DERA: variants seen among roughly 807,000 people sequenced by gnomAD.
DERA encodes the protein 2-deoxy-D-ribose 5-phosphate aldolase.
A neutral mutation model predicts 41.1 loss-of-function variants in DERA; 15 were observed. That is an observed-to-expected ratio of 0.37 (90% CI 0.24 to 0.56). DERA has a LOEUF of 0.56. Among genes scored for constraint, DERA ranks in the 20% least tolerant of loss-of-function variants. DERA has a pLI of 0.81. For synonymous variants in DERA, 139 were observed against 137.4 expected (o/e 1.01, Z -0.08); for missense variants, 396 against 403.4 (o/e 0.98, Z 0.16).
In DERA at chr12:15,936,999, A is replaced by T. The variant is rs1948373175; in HGVS notation, c.32-19937A>T. Reference sequence around the variant, plus strand: ...TCTTGTCTTTCTTTTTTGAGATAGTATCTTGCTCTATTGCCCAAGCCAGAG... The same window carrying T: ...TCTTGTCTTTCTTTTTTGAGATAGTTTCTTGCTCTATTGCCCAAGCCAGAG... On this transcript the variant is annotated intron_variant, in intron 1 of 8. Coordinates refer to ENST00000428559, the MANE Select transcript of DERA (RefSeq NM_015954.4). This position sits in a 1 kb window ranked among gnomAD's most constrained non-coding sequence, Gnocchi z 4.6. 6.7e-6 allele frequency among the ~76,000 whole-genome samples: 1 copy of T among 149,970 alleles called. No homozygotes were observed. Among genetic ancestry groups the T allele is most frequent in the African/African-American group, 2.5e-5 (1 of 39,786 alleles).
rs1212405232 is a variant in DERA at position 16,004,784 on chromosome 12, A to G, written c.637+22348A>G. On this transcript the variant is annotated intron_variant, in intron 6 of 8. Transcript: ENST00000428559. The surrounding 1 kb of genome is among the most constrained non-coding windows in gnomAD (Gnocchi z 4.2). Reference sequence around the variant, plus strand: ...TTTAAAAATTTAAAAAAATCCTACTAAAAACTAGGAGATACCTTGGGAGTT... The same window carrying G: ...TTTAAAAATTTAAAAAAATCCTACTGAAAACTAGGAGATACCTTGGGAGTT... Among the ~76,000 whole-genome samples, 1 of 152,184 alleles carries G rather than the reference A, an allele frequency of 6.6e-6. No homozygotes were observed. The highest frequency in any genetic ancestry group is 2.4e-5 in the African/African-American group (1 of 41,460).
In DERA at chr12:15,976,236, C is replaced by CT. The variant is rs537343034; in HGVS notation, c.509-6066dup. Among the ~76,000 whole-genome samples the CT allele has an allele frequency of 3.0e-3, 457 of 152,196 alleles. 2 individuals carry two copies. Among genetic ancestry groups the CT allele is most frequent in the Non-Finnish European group, 5.0e-3 (337 of 67,992 alleles). ...TATCCATTATCTTCAGTATATTCAT[C>CT]TTTTTTATCAATATTTGCCTTTTTA... On this transcript the variant is annotated intron_variant, in intron 5 of 8. Transcript: ENST00000428559. The surrounding 1 kb of genome is among the most constrained non-coding windows in gnomAD (Gnocchi z 4.1).
At chr12:16,002,109 T>C (rs12818011) in intron 6 of DERA, among the ~76,000 whole-genome samples, 2 of 151,712 alleles carry the variant, frequency 1.3e-5, no homozygotes, top group Non-Finnish European at 2.9e-5. Flanking sequence ...ACATTAGGTA[T>C]ATCTTCTAAT....
In DERA at chr12:15,941,991, T is replaced by G. The variant is rs1411719679; in HGVS notation, c.32-14945T>G. ...TACATTCCCATCACCAATGTAAAAG[T>G]GTTCCCTTTTCACCACATTTATATC... On this transcript the variant is annotated intron_variant, in intron 1 of 8. Transcript: ENST00000428559. The surrounding 1 kb of genome is among the most constrained non-coding windows in gnomAD (Gnocchi z 4.5). Among the ~76,000 whole-genome samples the G allele has an allele frequency of 6.6e-6, 1 of 152,224 alleles. No homozygotes were observed. The highest frequency in any genetic ancestry group is 1.5e-5 in the Non-Finnish European group (1 of 68,026).
chr12:15,957,095 G>A lies in DERA; in HGVS notation c.129+62G>A, dbSNP rs1039454175. The stretch of plus-strand genomic sequence containing the variant: ...TACAATGCATGGTCTCTTCCCTCAA[G>A]GCCACAATATTGAATTTCACTCAAG... On this transcript the variant is annotated intron_variant, in intron 2 of 8. Transcript: ENST00000428559. This position sits in a 1 kb window ranked among gnomAD's most constrained non-coding sequence, Gnocchi z 4.8. 37 of 1,268,480 alleles carry A rather than the reference G, an allele frequency of 2.9e-5. No individual in the cohort carries two copies. Among genetic ancestry groups the A allele is most frequent in the Non-Finnish European group, 4.0e-5 (35 of 873,548 alleles). The allele number at this position is 1,268,480 out of a possible 1,614,324, so 78.6% of individuals were successfully genotyped here. A position where few individuals can be genotyped will look rare whatever the true frequency, so the allele number is the denominator to read the frequency against.
intron 5 of DERA, among the ~76,000 whole-genome samples, chr12:15,973,689 G>A (rs923247210): frequency 6.6e-6 from 1 of 151,990 alleles, no homozygotes; most frequent in African/African-American, 2.4e-5. Flanking sequence ...ATGTCCATGT[G>A]ATGGAATATT....
At chr12:15,927,935 G>A (rs959438006) in intron 1 of DERA, among the ~76,000 whole-genome samples, 4 of 152,028 alleles carry the variant, frequency 2.6e-5, no homozygotes, top group Non-Finnish European at 5.9e-5. Flanking sequence ...AGTAGCAGAC[G>A]AATTAGAAGT....
rs762139506 is a variant in DERA at position 16,004,107 on chromosome 12, A to G, written c.637+21671A>G. On this transcript the variant is annotated intron_variant, in intron 6 of 8. Coordinates refer to ENST00000428559, the MANE Select transcript of DERA (RefSeq NM_015954.4). This position sits in a 1 kb window ranked among gnomAD's most constrained non-coding sequence, Gnocchi z 4.2. ...GATTTCCAGCCGGCTGTGAATTTAC[A>G]AACTTTTGGAATGCAATCTATTTCT... is the stretch of plus-strand genomic sequence containing the variant. 2.6e-5 allele frequency among the ~76,000 whole-genome samples: 4 copies of G among 152,208 alleles called. No homozygotes were observed. The highest frequency in any genetic ancestry group is 4.4e-5 in the Non-Finnish European group (3 of 68,028).
At chr12:16,015,438 A>G (rs1413141844) in intron 6 of DERA, among the ~76,000 whole-genome samples, 1 of 152,206 alleles carries the variant, frequency 6.6e-6, no homozygotes, top group Non-Finnish European at 1.5e-5. Context: ...CACTTGGCAC[A>G]TCTCCTTCTT....
chr12:15,944,711 T>C (rs1301696751), intron 1 of DERA, among the ~76,000 whole-genome samples: 1 of 152,234 alleles, frequency 6.6e-6, no homozygotes. Flanking sequence ...TTTCTTTTGC[T>C]GTGCAGAAGC....
chr12:15,951,616 A>C (rs1211599031), intron 1 of DERA, among the ~76,000 whole-genome samples: 1 of 152,234 alleles, frequency 6.6e-6, no homozygotes, highest in Non-Finnish European at 1.5e-5. Context: ...TTTCCTGCTC[A>C]ATAAGATAAT....
rs1304047801 is a variant in DERA, at chr12:15,935,125, G to A, written c.32-21811G>A. Among the ~76,000 whole-genome samples, 1 of 152,084 alleles carries A rather than the reference G, an allele frequency of 6.6e-6. No individual in the cohort carries two copies. Among genetic ancestry groups the A allele is most frequent in the Non-Finnish European group, 1.5e-5 (1 of 68,000 alleles). On this transcript the variant is annotated intron_variant, in intron 1 of 8. Coordinates refer to ENST00000428559, the MANE Select transcript of DERA (RefSeq NM_015954.4). The surrounding 1 kb of genome is among the most constrained non-coding windows in gnomAD (Gnocchi z 4.8). ...TTTTTGAAAAACTAAAAATATACTA[G>A]TTTTCTAAATAAATTGAGCTGAATT...
chr12:15,930,756 C>G (rs977884513), intron 1 of DERA, among the ~76,000 whole-genome samples: 4 of 152,126 alleles, frequency 2.6e-5, no homozygotes, highest in East Asian at 1.9e-4. Context: ...AAGTTGTTAA[C>G]ACCCCTCATA....
chr12:15,942,766 G>T (rs1948417750), intron 1 of DERA, among the ~76,000 whole-genome samples: 1 of 152,228 alleles, frequency 6.6e-6, no homozygotes, highest in South Asian at 2.1e-4. Context: ...ACTATTCACT[G>T]CACCGGGCTC....
At position 15,958,172 on chromosome 12, in the gene DERA, CT is replaced by C. The variant is rs754706532; in HGVS notation, c.130-12del. On this transcript the variant is annotated splice_polypyrimidine_tract_variant and intron_variant, in intron 2 of 8. Transcript: ENST00000428559. Reference sequence around the variant, plus strand: ...ATTTATTAAATTTACTTTGTTTTCACTTTTGTTTAAACCAGGCTGCTTGGCT... The same window carrying C: ...ATTTATTAAATTTACTTTGTTTTCACTTTGTTTAAACCAGGCTGCTTGGCT... The C allele has an allele frequency of 6.6e-7, 1 of 1,526,640 alleles. No homozygotes were observed. Among genetic ancestry groups the C allele is most frequent in the Non-Finnish European group, 8.8e-7 (1 of 1,138,474 alleles). The allele number at this position is 1,526,640 out of a possible 1,614,324, so 94.6% of individuals were successfully genotyped here. A position where few individuals can be genotyped will look rare whatever the true frequency, so the allele number is the denominator to read the frequency against.
intron 1 of DERA, among the ~76,000 whole-genome samples, chr12:15,933,875 A>T (rs1455340159): frequency 6.6e-6 from 1 of 152,076 alleles, no homozygotes; most frequent in Non-Finnish European, 1.5e-5. Context: ...GCTTTGTTCT[A>T]TACTGTTATG....
rs1948623896 is a variant in DERA at position 15,966,485 on chromosome 12, G to A, written c.508+3538G>A. On this transcript the variant is annotated intron_variant, in intron 5 of 8. Coordinates refer to ENST00000428559, the MANE Select transcript of DERA (RefSeq NM_015954.4). The surrounding 1 kb of genome is among the most constrained non-coding windows in gnomAD (Gnocchi z 5.1). ...TCTCAAAAAAAAAAAAAAGAATTCT[G>A]CAAAGAGTTATATTTATTTGTTTGT... Among the ~76,000 whole-genome samples the A allele has an allele frequency of 6.6e-6, 1 of 151,636 alleles. No homozygotes were observed. The highest frequency in any genetic ancestry group is 1.5e-5 in the Non-Finnish European group (1 of 67,930).
chr12:15,952,547 A>G (rs1050741638), intron 1 of DERA, among the ~76,000 whole-genome samples: 18 of 152,212 alleles, frequency 1.2e-4, no homozygotes, highest in Non-Finnish European at 2.1e-4. Flanking sequence ...AAAAAATAAA[A>G]AGGAACAGGT....
intron 6 of DERA, 105 bp from the exon 7 acceptor site, chr12:16,032,437 G>A: frequency 1.6e-6 from 1 of 636,124 alleles, no homozygotes; most frequent in African/African-American, 1.9e-5. Flanking sequence ...AAATAACATT[G>A]GGTTTCTTCG....
Sources: gnomAD v4.1 joint callset for allele counts (sites outside exome capture counted in the v4.1 genomes callset) on GRCh38, gnomAD v4.1.1 for gene constraint, Gnocchi (gnomAD v3.1) non-coding constraint, MANE v1.5 for transcripts, NCBI Gene and HGNC (gene_info 2026-07-23, HGNC 2026-07-21) for gene names.